GRID1: variants seen among roughly 807,000 people sequenced by gnomAD.
GRID1 encodes glutamate receptor ionotropic, delta-1.
GRID1 carries 28 observed loss-of-function variants against 98.0 expected under a neutral mutation model. The ratio of observed to expected loss-of-function variants is 0.29; its 90% CI spans 0.21 to 0.39. The LOEUF is 0.39. Ranked by LOEUF, GRID1 falls within the 10% of genes least tolerant of loss-of-function variation. GRID1 has a pLI of 1.00. For missense variants in GRID1, 1,111 were observed against 1,340.5 expected (o/e 0.83, Z 2.67); for synonymous variants, 553 against 538.5 (o/e 1.03, Z -0.37).
At chr10:85,752,149 A>C (rs1448224130) in intron 8 of GRID1, among the ~76,000 whole-genome samples, 1 of 152,216 alleles carries the variant, frequency 6.6e-6, no homozygotes, top group Non-Finnish European at 1.5e-5. Context: ...ACCAAAGCAC[A>C]TACAATCTCA....
At chr10:85,907,168 A>G (rs1041622477) in intron 5 of GRID1, among the ~76,000 whole-genome samples, 1 of 152,054 alleles carries the variant, frequency 6.6e-6, no homozygotes, top group Non-Finnish European at 1.5e-5. Flanking sequence ...TTGGAGTGCA[A>G]TGGCACAATC....
At chr10:86,058,843 G>A (rs548643263) in intron 4 of GRID1, among the ~76,000 whole-genome samples, 1 of 152,362 alleles carries the variant, frequency 6.6e-6, no homozygotes, top group South Asian at 2.1e-4. Flanking sequence ...CCCAGCCCTT[G>A]AGGAGCTTAT....
rs1432108531 is a variant in GRID1 at position 86,365,166 on chromosome 10, G to A, written c.80-1070C>T. 6.6e-6 allele frequency among the ~76,000 whole-genome samples: 1 copy of A among 152,186 alleles called. No homozygotes were observed. The highest frequency in any genetic ancestry group is 1.5e-5 in the Non-Finnish European group (1 of 68,026). ...GACCCGCACCCCTCCAGGGCGGGAA[G>A]CAGGTTTGGTCACGGGCCCCTGAGG... On this transcript the variant is annotated intron_variant, in intron 1 of 15. Coordinates refer to ENST00000327946, the MANE Select transcript of GRID1 (RefSeq NM_017551.3). This position sits in a 1 kb window ranked among gnomAD's most constrained non-coding sequence, Gnocchi z 4.8.
chr10:86,174,644 A>C (rs1424899415), intron 3 of GRID1, among the ~76,000 whole-genome samples: 1 of 151,994 alleles, frequency 6.6e-6, no homozygotes, highest in Non-Finnish European at 1.5e-5. Context: ...GACAAATAGG[A>C]TCTAATTAAA....
At chr10:86,043,793 T>C (rs1843381334) in intron 4 of GRID1, among the ~76,000 whole-genome samples, 1 of 152,200 alleles carries the variant, frequency 6.6e-6, no homozygotes, top group Non-Finnish European at 1.5e-5. Flanking sequence ...ACACTGAATC[T>C]CACAAATCTA....
chr10:85,714,590 ATAAAC>A (rs1841617682), intron 12 of GRID1, among the ~76,000 whole-genome samples: 1 of 152,086 alleles, frequency 6.6e-6, no homozygotes, highest in Non-Finnish European at 1.5e-5. Context: ...GAATATTTCT[ATAAAC>A]TAACAACAAC....
In GRID1 at chr10:85,717,015, T is replaced by C. The variant is rs146754350; in HGVS notation, c.1997+5988A>G. ...AAGAGTACAGAATTTCAGTTAGGTATGATGAATAAGATCTGGAGATATAAT... is the reference window on the plus strand; with the variant it reads ...AAGAGTACAGAATTTCAGTTAGGTACGATGAATAAGATCTGGAGATATAAT... On this transcript the variant is annotated intron_variant, in intron 12 of 15. Coordinates refer to ENST00000327946, the MANE Select transcript of GRID1 (RefSeq NM_017551.3). Among the ~76,000 whole-genome samples the C allele has an allele frequency of 3.5e-4, 54 of 152,250 alleles. 2 individuals are homozygous for C. The East Asian group carries it at 9.8e-3, about 28-fold the overall frequency.
intron 2 of GRID1, among the ~76,000 whole-genome samples, chr10:86,326,723 G>T (rs984735739): frequency 1.3e-5 from 2 of 152,216 alleles, no homozygotes; most frequent in African/African-American, 4.8e-5. Context: ...TGTCGGAGGT[G>T]TGGGCCACAG....
At chr10:86,179,807 C>G (rs1415584853) in intron 3 of GRID1, among the ~76,000 whole-genome samples, 1 of 152,154 alleles carries the variant, frequency 6.6e-6, no homozygotes, top group African/African-American at 2.4e-5. Context: ...GAAACACCAC[C>G]ACAACATGAT....
chr10:85,966,953 C>A (rs1343322578), intron 4 of GRID1, among the ~76,000 whole-genome samples: 1 of 152,220 alleles, frequency 6.6e-6, no homozygotes, highest in Non-Finnish European at 1.5e-5. Flanking sequence ...TAATAATCCC[C>A]ATGCCTTAAG....
Position 85,613,431 on chromosome 10 carries a change from C to G in GRID1, c.2577G>C (p.Arg859=). 3.7e-6 allele frequency: 6 copies of G among 1,613,460 alleles called. No homozygotes were observed. Among genetic ancestry groups the G allele is most frequent in the Non-Finnish European group, 5.1e-6 (6 of 1,179,936 alleles). Residue 859 remains arginine (R), a synonymous_variant, in exon 15 of 16, where the codon CGG becomes CGC. Coordinates refer to ENST00000327946, the MANE Select transcript of GRID1 (RefSeq NM_017551.3). ...CCTCCTTGGGGGTCTCCTGGTGGCA[C>G]CGGTTGCTGTTCCACCACAACTCCA... ...AALELWWNSN[R]CHQETPKEDK...
chr10:85,789,568 G>A (rs1238413784), intron 8 of GRID1, among the ~76,000 whole-genome samples: 1 of 152,154 alleles, frequency 6.6e-6, no homozygotes, highest in Non-Finnish European at 1.5e-5. Context: ...TTATTAAACA[G>A]CCCCTCTGGT....
chr10:85,938,789 A>G (rs1023109522), intron 4 of GRID1, among the ~76,000 whole-genome samples: 5 of 152,240 alleles, frequency 3.3e-5, no homozygotes, highest in African/African-American at 1.2e-4. Context: ...GGGTAATCGC[A>G]GGTAGTCATT....
intron 2 of GRID1, among the ~76,000 whole-genome samples, chr10:86,224,011 G>A (rs972896290): frequency 6.6e-6 from 1 of 152,186 alleles, no homozygotes; most frequent in African/African-American, 2.4e-5. Context: ...GAAGATGACA[G>A]ACCAAGGACC....
At chr10:85,756,285 G>A (rs985228940) in intron 8 of GRID1, among the ~76,000 whole-genome samples, 1 of 152,042 alleles carries the variant, frequency 6.6e-6, no homozygotes, top group Non-Finnish European at 1.5e-5. Flanking sequence ...TAGAAGATTC[G>A]TTCTCGCCGT....
intron 2 of GRID1, among the ~76,000 whole-genome samples, chr10:86,270,019 A>G (rs527471347): frequency 2.3e-4 from 35 of 152,094 alleles, no homozygotes; most frequent in Non-Finnish European, 4.1e-4. Flanking sequence ...TACTAAACAA[A>G]TCTATCCTTA....
intron 8 of GRID1, among the ~76,000 whole-genome samples, chr10:85,794,532 C>T (rs1842508547): frequency 7.0e-6 from 1 of 142,358 alleles, no homozygotes; most frequent in Non-Finnish European, 1.6e-5. Context: ...AGCAATTCTC[C>T]ACTGGAAGAA....
chr10:85,881,361 T>G (rs1841011040), intron 5 of GRID1, among the ~76,000 whole-genome samples: 1 of 152,164 alleles, frequency 6.6e-6, no homozygotes, highest in African/African-American at 2.4e-5. Flanking sequence ...TCACACTACC[T>G]GACGTCGAAC....
intron 12 of GRID1, among the ~76,000 whole-genome samples, chr10:85,649,209 C>T (rs1843234565): frequency 6.6e-6 from 1 of 152,172 alleles, no homozygotes; most frequent in Non-Finnish European, 1.5e-5. Context: ...GCCTCCCCGG[C>T]CAGCACACAG....
Sources: allele counts gnomAD v4.1 joint callset (sites outside exome capture counted in the v4.1 genomes callset), GRCh38; gene constraint gnomAD v4.1.1; non-coding constraint Gnocchi (gnomAD v3.1); transcripts MANE v1.5; gene names NCBI Gene and HGNC (gene_info 2026-07-23, HGNC 2026-07-21).